HP1BP3: variants seen among roughly 807,000 people sequenced by gnomAD.
HP1BP3 encodes heterochromatin protein 1 binding protein 3, also known as heterochromatin protein 1-binding protein 3.
HP1BP3 carries 12 observed loss-of-function variants against 62.5 expected under a neutral mutation model. That is an observed-to-expected ratio of 0.19 (90% CI 0.12 to 0.31). The LOEUF (loss-of-function observed/expected upper bound fraction) is 0.31. HP1BP3 is among the 10% of genes least tolerant of loss of function. HP1BP3 has a pLI of 1.00. For synonymous variants in HP1BP3, 260 were observed against 237.8 expected (o/e 1.09, Z -0.86); for missense variants, 502 against 651.8 (o/e 0.77, Z 2.50).
Position 20,744,521 on chromosome 1 carries a change from G to T in HP1BP3, c.*276C>A. On this transcript the variant is annotated 3_prime_UTR_variant, in exon 13 of 13. Coordinates refer to ENST00000438032, the MANE Select transcript of HP1BP3 (RefSeq NM_001372052.1). Reference sequence around the variant, plus strand: ...CTGACCATAAAAACAACAGGGGGTTGGGGGAGGCAGAGAAAAAGGACAAGT... The same window carrying T: ...CTGACCATAAAAACAACAGGGGGTTTGGGGAGGCAGAGAAAAAGGACAAGT... 1 of 275,994 alleles carries T rather than the reference G, an allele frequency of 3.6e-6. No individual in the cohort carries two copies. Among genetic ancestry groups the T allele is most frequent in the Non-Finnish European group, 6.7e-6 (1 of 149,178 alleles). 17.1% of individuals were successfully genotyped at this position (275,994 alleles called of 1,614,324 possible).
At chr1:20,748,573 T>C (rs1003671249) in intron 10 of HP1BP3, among the ~76,000 whole-genome samples, 1 of 152,142 alleles carries the variant, frequency 6.6e-6, no homozygotes, top group African/African-American at 2.4e-5. Flanking sequence ...GGTGAAACCC[T>C]GTCTCTACTA....
At chr1:20,774,184 C>A (rs1437280235) in intron 4 of HP1BP3, 2 of 152,138 alleles carry the variant, frequency 1.3e-5, no homozygotes, top group Admixed American at 6.5e-5. Flanking sequence ...ACTCTGTGCA[C>A]CTAATAGGTG....
At chr1:20,779,981 T>A in intron 2 of HP1BP3, 70 bp from the exon 3 acceptor site, 1 of 1,154,816 alleles carries the variant, frequency 8.7e-7, no homozygotes, top group Non-Finnish European at 1.2e-6. Context: ...TCAAAGGGCC[T>A]AACTGGGTGT....
At chr1:20,768,509 T>G (rs1482609167) in intron 6 of HP1BP3, among the ~76,000 whole-genome samples, 1 of 152,102 alleles carries the variant, frequency 6.6e-6, no homozygotes, top group Admixed American at 6.6e-5. Context: ...TACCACATAT[T>G]TCCAGTTCAC....
At chr1:20,782,856 T>G (rs1484636268) in intron 1 of HP1BP3, among the ~76,000 whole-genome samples, 3 of 142,930 alleles carry the variant, frequency 2.1e-5, no homozygotes, top group Middle Eastern at 3.5e-3. Flanking sequence ...GCCGAGATTG[T>G]GCCACTGCAC....
Position 20,767,656 on chromosome 1 carries a change from T to C in HP1BP3, c.663A>G (p.Gly221=), listed in dbSNP as rs528849809. The change falls in exon 7 of 13, where the codon GGA becomes GGG. Residue 221 remains glycine (G), a synonymous_variant. Coordinates refer to ENST00000438032, the MANE Select transcript of HP1BP3 (RefSeq NM_001372052.1). ...LNRGVIKQVK[G]KGASGSFVVV... The stretch of plus-strand genomic sequence containing the variant: ...CAACAAAACTTCCAGAAGCACCTTT[T>C]CCTTTAACCTAAAGTAAATTAATTT... 9 of 1,601,294 alleles carry C rather than the reference T, an allele frequency of 5.6e-6. No individual in the cohort carries two copies. The African/African-American group carries it at 1.2e-4, about 22-fold the overall frequency.
At chr1:20,765,149 A>C (rs1424889072) in intron 8 of HP1BP3, among the ~76,000 whole-genome samples, 3 of 150,956 alleles carry the variant, frequency 2.0e-5, no homozygotes, top group African/African-American at 7.3e-5. Flanking sequence ...AGCCTGGGTG[A>C]CAAGAACAAA....
intron 3 of HP1BP3, among the ~76,000 whole-genome samples, chr1:20,778,134 G>C (rs961712259): frequency 7.4e-6 from 1 of 135,802 alleles, no homozygotes; most frequent in Non-Finnish European, 1.6e-5. Flanking sequence ...ATCATTCAGG[G>C]GTTTTACGGT....
intron 9 of HP1BP3, chr1:20,755,432 C>T (rs1035572089): frequency 4.5e-6 from 2 of 446,590 alleles, no homozygotes; most frequent in Admixed American, 2.4e-5. Context: ...ATTAATCAGG[C>T]ATGGTGGTGG....
rs2055084323 is a variant in HP1BP3, at chr1:20,741,549, TTTAA to T, written c.*3244_*3247del. Among the ~76,000 whole-genome samples, 1 of 152,368 alleles carries T rather than the reference TTTAA, an allele frequency of 6.6e-6. No homozygotes were observed. The highest frequency in any genetic ancestry group is 2.4e-5 in the African/African-American group (1 of 41,590). On this transcript the variant is annotated 3_prime_UTR_variant, in exon 13 of 13. Coordinates refer to ENST00000438032, the MANE Select transcript of HP1BP3 (RefSeq NM_001372052.1). ...AAGATTTATACAGGACCAGGTTTCC[TTTAA>T]TTAAGTCCATGTGGATGCATAGTCA...
At chr1:20,755,851 A>G (rs2056073137) in intron 9 of HP1BP3, among the ~76,000 whole-genome samples, 1 of 152,222 alleles carries the variant, frequency 6.6e-6, no homozygotes, top group Admixed American at 6.5e-5. Context: ...AACGTGGATA[A>G]AATTCAAAAA....
chr1:20,784,475 C>CT (rs2057722790), intron 1 of HP1BP3, among the ~76,000 whole-genome samples: 1 of 139,178 alleles, frequency 7.2e-6, no homozygotes, highest in Non-Finnish European at 1.5e-5. Flanking sequence ...TTGTGTTTTC[C>CT]CTTTTTTTTT....
chr1:20,784,413 T>C (rs1468677721), intron 1 of HP1BP3, among the ~76,000 whole-genome samples: 1 of 151,924 alleles, frequency 6.6e-6, no homozygotes, highest in Admixed American at 6.6e-5. Flanking sequence ...AGGCACAGAA[T>C]AGATGCTCAA....
At position 20,776,795 on chromosome 1, in the gene HP1BP3, A is replaced by G. The variant is rs370317114; in HGVS notation, c.197-45T>C. 3.6e-5 allele frequency: 55 copies of G among 1,521,612 alleles called. No individual in the cohort carries two copies. The African/African-American group carries it at 3.9e-4, about 11-fold the overall frequency. 94.3% of individuals were successfully genotyped at this position (1,521,612 alleles called of 1,614,324 possible). A position where few individuals can be genotyped will look rare whatever the true frequency, so the allele number is the denominator to read the frequency against. ...GAATTGCATAAGCAGATGTATTCCA[A>G]TCTGAGTCAATAAAAGGTAAAAGCT... On this transcript the variant is annotated intron_variant, in intron 3 of 12. Transcript: ENST00000438032.
chr1:20,778,800 C>CT (rs994448766), intron 3 of HP1BP3, among the ~76,000 whole-genome samples: 5 of 122,822 alleles, frequency 4.1e-5, no homozygotes, highest in Non-Finnish European at 8.8e-5. Flanking sequence ...TTTTTTTTTT[C>CT]TTTTTTTTGG....
Position 20,775,972 on chromosome 1 carries a change from T to C in HP1BP3, c.350+625A>G, listed in dbSNP as rs957493773. 2.0e-5 allele frequency: 30 copies of C among 1,490,820 alleles called. No individual in the cohort carries two copies. In the East Asian group the frequency reaches 2.5e-4, roughly 13 times the overall value. 92.3% of individuals were successfully genotyped at this position (1,490,820 alleles called of 1,614,324 possible). A position where few individuals can be genotyped will look rare whatever the true frequency, so the allele number is the denominator to read the frequency against. ...GCAATTTCTAACTGTTCTGACCAAT[T>C]ATGAAAAGAGTGGAATGAATACTAT... On this transcript the variant is annotated intron_variant, in intron 4 of 12. Transcript: ENST00000438032.
chr1:20,759,049 G>C (rs1032164706), intron 8 of HP1BP3, among the ~76,000 whole-genome samples: 1 of 152,054 alleles, frequency 6.6e-6, no homozygotes, highest in Non-Finnish European at 1.5e-5. Flanking sequence ...GACAATTAAG[G>C]ACATTTGAAC....
At position 20,744,818 on chromosome 1, in the gene HP1BP3, C is replaced by A; in HGVS notation, c.1641G>T (p.Lys547Asn). 3.7e-6 allele frequency: 6 copies of A among 1,608,570 alleles called. No homozygotes were observed. The highest frequency in any genetic ancestry group is 4.2e-6 in the Non-Finnish European group (5 of 1,178,752). Residue 547 changes from lysine to asparagine, a missense_variant, in exon 13 of 13, where the codon AAG (lysine) becomes AAT (asparagine). Around this residue, in one of 5 missense-constraint regions of HP1BP3, gnomAD observed 194 missense variants for 207.0 expected, o/e 0.94. Transcript: ENST00000438032. ...LPGKGKSTMK[K>N]SFRVKK ...AAATTTACTTTTTCACTCTGAAAGA[C>A]TTCTTCATGGTGGATTTGCCCTTGC...
In HP1BP3 at chr1:20,744,283, A is replaced by G. The variant is rs2055179831; in HGVS notation, c.*514T>C. ...TGTCTCTGTGTTTACAGTTGGAGAG[A>G]AAAGGTTAGTGGAGTGGCTTTTATA... On this transcript the variant is annotated 3_prime_UTR_variant, in exon 13 of 13. Coordinates refer to ENST00000438032, the MANE Select transcript of HP1BP3 (RefSeq NM_001372052.1). The G allele has an allele frequency of 6.5e-6, 1 of 152,866 alleles. No homozygotes were observed. Among genetic ancestry groups the G allele is most frequent in the Non-Finnish European group, 1.5e-5 (1 of 68,272 alleles). 9.5% of individuals were successfully genotyped at this position (152,866 alleles called of 1,614,324 possible).
Sources: gnomAD v4.1 joint callset for allele counts (sites outside exome capture counted in the v4.1 genomes callset) on GRCh38, gnomAD v4.1.1 for gene constraint, gnomAD v4.1.1 regional missense constraint, MANE v1.5 for transcripts, NCBI Gene and HGNC (gene_info 2026-07-23, HGNC 2026-07-21) for gene names.